Variants in DEFA4 observed in about 807,000 individuals in gnomAD.
DEFA4 encodes corticostatin.
In DEFA4, 8 loss-of-function variants were observed where a neutral mutation model predicts 4.4. The observed-to-expected ratio is 1.82, with a 90% CI of 1.07 to 3.29. DEFA4 has a LOEUF of 3.29. Among genes scored for constraint, DEFA4 ranks in the 30% most tolerant of loss-of-function variants. The pLI is 0.00. For synonymous variants in DEFA4, 77 were observed against 46.5 expected (o/e 1.66, Z -2.67); for missense variants, 216 against 127.0 (o/e 1.70, Z -3.37).
Position 6,936,696 on chromosome 8 carries a change from C to G in DEFA4, c.172+32G>C, listed in dbSNP as rs755014944. The G allele has an allele frequency of 3.9e-6, 6 of 1,556,858 alleles. No homozygotes were observed. In the East Asian group the frequency reaches 6.9e-5, roughly 18 times the overall value. On this transcript the variant is annotated intron_variant, in intron 2 of 2. Transcript: ENST00000297435. ...CCCATCTCCCATCCGTCTCTCTAGA[C>G]TCGGTAGCTTTTTTATGCTGGCCTC... is the stretch of plus-strand genomic sequence containing the variant.
At chr8:6,937,532 T>A (rs1313581079) in intron 1 of DEFA4, among the ~76,000 whole-genome samples, 1 of 151,972 alleles carries the variant, frequency 6.6e-6, no homozygotes, top group Non-Finnish European at 1.5e-5. Context: ...GGTTCATGAG[T>A]TGCTAGGTGC....
intron 2 of DEFA4, among the ~76,000 whole-genome samples, chr8:6,936,359 G>T (rs1290960061): frequency 6.6e-6 from 1 of 152,128 alleles, no homozygotes; most frequent in Non-Finnish European, 1.5e-5. Flanking sequence ...GTGTGCTTTT[G>T]CCCCATCAGA....
intron 2 of DEFA4, among the ~76,000 whole-genome samples, chr8:6,936,512 C>T (rs1464994627): frequency 3.3e-5 from 5 of 152,096 alleles, no homozygotes; most frequent in Non-Finnish European, 7.3e-5. Flanking sequence ...TTAACCCTAG[C>T]GAATTTTATA....
In DEFA4 at chr8:6,936,097, G is replaced by A. The variant is rs138031064; in HGVS notation, c.217C>T (p.Arg73Trp). ...TTCCCAACACGAAGTTCTGTTCGCC[G>A]GCAGAATACTAATCTGCAAGAGCAG... Reference protein sequence around the residue: ...MVCSCRLVFCRRTELRVGNCL... With the variant: ...MVCSCRLVFCWRTELRVGNCL... Residue 73 changes from arginine to tryptophan, a missense_variant, in exon 3 of 3, where the codon CGG becomes TGG. Coordinates refer to ENST00000297435, the MANE Select transcript of DEFA4 (RefSeq NM_001925.3). The A allele has an allele frequency of 3.0e-4, 480 of 1,613,970 alleles. No individual in the cohort carries two copies. Among genetic ancestry groups the A allele is most frequent in the Non-Finnish European group, 3.7e-4 (437 of 1,180,002 alleles).
intron 1 of DEFA4, among the ~76,000 whole-genome samples, chr8:6,937,918 T>G (rs185527239): frequency 6.6e-6 from 1 of 152,088 alleles, no homozygotes; most frequent in Admixed American, 6.5e-5. Flanking sequence ...AACAACCTGA[T>G]TGAAAAACAG....
intron 2 of DEFA4, 50 bp downstream of exon 2, chr8:6,936,678 C>G: frequency 1.3e-6 from 2 of 1,490,722 alleles, no homozygotes; most frequent in African/African-American, 1.4e-5. Flanking sequence ...GAGCCCATCT[C>G]CCATCCGTCT....
intron 2 of DEFA4, 57 bp downstream of exon 2, chr8:6,936,671 C>G: frequency 5.4e-6 from 8 of 1,471,944 alleles, no homozygotes; most frequent in Non-Finnish European, 7.3e-6. Flanking sequence ...GATTCCAGAG[C>G]CCATCTCCCA....
At position 6,936,031 on chromosome 8, in the gene DEFA4, G is replaced by T. The variant is rs559546450; in HGVS notation, c.283C>A (p.Arg95Ser). Reference protein sequence around the residue: ...GGVSFTYCCTRVD With the variant: ...GGVSFTYCCTSVD ...TGGACAGCAGAACGTTAATCGACAC[G>T]CGTGCAGCAGTATGTGAAACTCACA... Residue 95 changes from arginine (R) to serine (S), a missense_variant, in exon 3 of 3, where the codon CGT (arginine) becomes AGT (serine). Transcript: ENST00000297435. 1.9e-6 allele frequency: 3 copies of T among 1,613,840 alleles called. No homozygotes were observed. The highest frequency in any genetic ancestry group is 3.3e-5 in the Admixed American group (2 of 60,012).
rs758394710 is a variant in DEFA4, at chr8:6,936,130, C to T, written c.184G>A (p.Gly62Ser). Residue 62 changes from glycine to serine, a missense_variant, in exon 3 of 3, where the codon GGC becomes AGC. Transcript: ENST00000297435. ...ACTAATCTGCAAGAGCAGACCATGCCCCTTGTTGAGCCTGGGAACACAGAG... is the reference window on the plus strand; with the variant it reads ...ACTAATCTGCAAGAGCAGACCATGCTCCTTGTTGAGCCTGGGAACACAGAG... ...SALQVSGSTR[G>S]MVCSCRLVFC... is the part of the protein sequence containing the mutation. The T allele has an allele frequency of 1.2e-6, 2 of 1,613,964 alleles. No individual in the cohort carries two copies. The highest frequency in any genetic ancestry group is 1.7e-5 in the Admixed American group (1 of 60,012).
chr8:6,938,016 G>A (rs895051930), intron 1 of DEFA4, among the ~76,000 whole-genome samples: 4 of 152,258 alleles, frequency 2.6e-5, no homozygotes, highest in East Asian at 1.9e-4. Flanking sequence ...AGTAGGACAC[G>A]TGTGTTTGGA....
chr8:6,937,042 A>G (rs1808888685), intron 1 of DEFA4, 131 bp from the exon 2 acceptor site: 7 of 739,018 alleles, frequency 9.5e-6, no homozygotes, highest in Non-Finnish European at 1.2e-5. Flanking sequence ...GCATTTTGTT[A>G]GAGAGGATGC....
rs1270224247 is a variant in DEFA4 at position 6,935,903 on chromosome 8, C to G, written c.*117G>C. 6.5e-5 allele frequency: 95 copies of G among 1,472,698 alleles called. No homozygotes were observed. The highest frequency in any genetic ancestry group is 8.4e-5 in the Non-Finnish European group (89 of 1,061,596). The allele number at this position is 1,472,698 out of a possible 1,614,324, so 91.2% of individuals were successfully genotyped here. A position where few individuals can be genotyped will look rare whatever the true frequency, so the allele number is the denominator to read the frequency against. ...AGAAACAACCATTTCCTGTAGCTCT[C>G]AAAGCAAATTATGAGCTCATTTTTC... On this transcript the variant is annotated 3_prime_UTR_variant, in exon 3 of 3. Coordinates refer to ENST00000297435, the MANE Select transcript of DEFA4 (RefSeq NM_001925.3).
At chr8:6,936,934 A>C (rs992597696) in intron 1 of DEFA4, 23 bp from the exon 2 acceptor site, 2 of 1,524,360 alleles carry the variant, frequency 1.3e-6, no homozygotes, top group Non-Finnish European at 1.8e-6. Context: ...GAGCAGGAGC[A>C]GCTGTGTGGG....
At chr8:6,936,262 CACAA>C (rs1243114512) in intron 2 of DEFA4, 121 bp from the exon 3 acceptor site, 57 of 1,245,542 alleles carry the variant, frequency 4.6e-5, no homozygotes, top group Middle Eastern at 2.7e-4. Context: ...GTGCCGGTAG[CACAA>C]ACAACCTTAG....
Position 6,935,928 on chromosome 8 carries a change from C to T in DEFA4, c.*92G>A. ...CAAAGCAAATTATGAGCTCATTTTT[C>T]TCTATTCTGCAAGCTCAGCTGCAGA... On this transcript the variant is annotated 3_prime_UTR_variant, in exon 3 of 3. Coordinates refer to ENST00000297435, the MANE Select transcript of DEFA4 (RefSeq NM_001925.3). 3 of 1,580,964 alleles carry T rather than the reference C, an allele frequency of 1.9e-6. No homozygotes were observed. Among genetic ancestry groups the T allele is most frequent in the Non-Finnish European group, 1.7e-6 (2 of 1,154,430 alleles).
At chr8:6,937,151 G>C (rs932539849) in intron 1 of DEFA4, among the ~76,000 whole-genome samples, 1 of 152,124 alleles carries the variant, frequency 6.6e-6, no homozygotes. Context: ...GGTTGAAGTT[G>C]ATGGTGATGA....
In DEFA4 at chr8:6,936,131, C is replaced by A. The variant is rs1808839949; in HGVS notation, c.183G>T (p.Arg61Ser). Reference protein sequence around the residue: ...SSALQVSGSTRGMVCSCRLVF... With the variant: ...SSALQVSGSTSGMVCSCRLVF... ...CTAATCTGCAAGAGCAGACCATGCC[C>A]CTTGTTGAGCCTGGGAACACAGAGG... Residue 61 changes from arginine to serine, a missense_variant, in exon 3 of 3, where the codon AGG becomes AGT. By Grantham distance (110) the Arg-to-Ser change is moderately radical. Coordinates refer to ENST00000297435, the MANE Select transcript of DEFA4 (RefSeq NM_001925.3). 6.2e-7 allele frequency: 1 copy of A among 1,613,820 alleles called. No homozygotes were observed. The highest frequency in any genetic ancestry group is 8.5e-7 in the Non-Finnish European group (1 of 1,180,008).
Position 6,936,607 on chromosome 8 carries a change from G to A in DEFA4, c.172+121C>T, listed in dbSNP as rs1002270489. ...TATTCAGTTTGGAGATAAGAAAATC[G>A]AGGCCCAGAGATGGTAAGTAAAGCC... On this transcript the variant is annotated intron_variant, in intron 2 of 2. Coordinates refer to ENST00000297435, the MANE Select transcript of DEFA4 (RefSeq NM_001925.3). 2.2e-5 allele frequency: 21 copies of A among 976,606 alleles called. 1 individual carries two copies. The highest frequency in any genetic ancestry group is 3.3e-5 in the African/African-American group (2 of 60,236). 60.5% of individuals were successfully genotyped at this position (976,606 alleles called of 1,614,324 possible).
chr8:6,937,915 T>G (rs547293949), intron 1 of DEFA4, among the ~76,000 whole-genome samples: 1 of 152,224 alleles, frequency 6.6e-6, no homozygotes, highest in Non-Finnish European at 1.5e-5. Context: ...ACAAACAACC[T>G]GATTGAAAAA....
Sources: allele counts gnomAD v4.1 joint callset (sites outside exome capture counted in the v4.1 genomes callset), GRCh38; gene constraint gnomAD v4.1.1; transcripts MANE v1.5; gene names NCBI Gene and HGNC (gene_info 2026-07-23, HGNC 2026-07-21).